Variants in HCN1 observed in about 807,000 individuals in gnomAD.
HCN1 encodes potassium/sodium hyperpolarization-activated cyclic nucleotide-gated channel 1.
A neutral mutation model predicts 78.9 loss-of-function variants in HCN1; 13 were observed. That is an observed-to-expected ratio of 0.16 (90% confidence interval 0.11 to 0.26). HCN1 has a LOEUF of 0.26. Among genes scored for constraint, HCN1 ranks in the 10% least tolerant of loss-of-function variants. The pLI is 1.00. For synonymous variants in HCN1, 552 were observed against 455.5 expected, an observed-to-expected ratio of 1.21 and a Z score of -2.70; for missense variants, 810 against 1,154.3, an observed-to-expected ratio of 0.70 and a Z score of 4.32.
intron 1 of HCN1, among the ~76,000 whole-genome samples, chr5:45,658,933 G>C (rs1191461505): frequency 3.5e-5 from 5 of 143,850 alleles, no homozygotes; most frequent in African/African-American, 5.1e-5. Context: ...CGGGAAGCTC[G>C]AACTGGGTGG....
At chr5:45,514,431 C>A (rs560258058) in intron 2 of HCN1, among the ~76,000 whole-genome samples, 1 of 152,248 alleles carries the variant, frequency 6.6e-6, no homozygotes, top group South Asian at 2.1e-4. Context: ...TATTAAAATA[C>A]TGACTGGATC....
chr5:45,594,762 A>G (rs1430077882), intron 2 of HCN1, among the ~76,000 whole-genome samples: 2 of 152,224 alleles, frequency 1.3e-5, no homozygotes, highest in Admixed American at 1.3e-4. Context: ...CACATCTGAC[A>G]TTAACCAAAT....
At chr5:45,647,754 C>T (rs1745579761) in intron 1 of HCN1, among the ~76,000 whole-genome samples, 1 of 152,078 alleles carries the variant, frequency 6.6e-6, no homozygotes, top group Non-Finnish European at 1.5e-5. Flanking sequence ...TATCCCCTAT[C>T]TCAGGGAATG....
chr5:45,387,976 T>C (rs1454324952), intron 4 of HCN1, among the ~76,000 whole-genome samples: 2 of 152,188 alleles, frequency 1.3e-5, no homozygotes, highest in Non-Finnish European at 2.9e-5. Context: ...TTGATATTTT[T>C]GGACCATGAT....
chr5:45,691,326 G>A (rs751411491), intron 1 of HCN1, among the ~76,000 whole-genome samples: 10 of 151,878 alleles, frequency 6.6e-5, no homozygotes, highest in Non-Finnish European at 1.5e-4. Flanking sequence ...AGGGAAAGTT[G>A]CTCAGAAAAA....
At position 45,447,675 on chromosome 5, in the gene HCN1, C is replaced by T. The variant is rs1032405515; in HGVS notation, c.1011+14171G>A. 4.0e-4 allele frequency among the ~76,000 whole-genome samples: 61 copies of T among 152,246 alleles called. 2 individuals are homozygous for T. Among genetic ancestry groups the T allele is most frequent in the East Asian group, 5.8e-4 (3 of 5,180 alleles). On this transcript the variant is annotated intron_variant, in intron 3 of 7. Transcript: ENST00000303230. The stretch of plus-strand genomic sequence containing the variant: ...TTAGGATCTGGGGAGAGAAAACATT[C>T]GCTCAACCTGTTATTAACTTAACTC...
At chr5:45,302,538 G>T (rs993099477) in intron 6 of HCN1, among the ~76,000 whole-genome samples, 2 of 151,934 alleles carry the variant, frequency 1.3e-5, no homozygotes, top group Admixed American at 6.6e-5. Flanking sequence ...GGTGTTATTT[G>T]CCTAAGTCTA....
chr5:45,648,250 T>C (rs543961187), intron 1 of HCN1, among the ~76,000 whole-genome samples: 2 of 152,258 alleles, frequency 1.3e-5, no homozygotes, highest in South Asian at 2.1e-4. Context: ...GTAATTAAGA[T>C]AGAAGCTTTT....
intron 2 of HCN1, among the ~76,000 whole-genome samples, chr5:45,523,648 T>C (rs1742664889): frequency 6.6e-6 from 1 of 152,288 alleles, no homozygotes; most frequent in Non-Finnish European, 1.5e-5. Flanking sequence ...TTTGGCTGCA[T>C]AAATGTCTTC....
chr5:45,312,092 T>A (rs1409317420), intron 5 of HCN1, among the ~76,000 whole-genome samples: 3 of 152,226 alleles, frequency 2.0e-5, no homozygotes, highest in Admixed American at 6.5e-5. Flanking sequence ...TGTCAGATGT[T>A]TCTGGGATCC....
intron 1 of HCN1, among the ~76,000 whole-genome samples, chr5:45,695,351 C>A (rs932623933): frequency 6.6e-6 from 1 of 152,144 alleles, no homozygotes; most frequent in Non-Finnish European, 1.5e-5. Context: ...GTAAAAGTTT[C>A]CCTTGTACAA....
chr5:45,529,710 T>C (rs1335421072), intron 2 of HCN1, among the ~76,000 whole-genome samples: 4 of 152,124 alleles, frequency 2.6e-5, no homozygotes, highest in African/African-American at 9.6e-5. Context: ...TCTCAAAAGT[T>C]AAGGTCTTAA....
chr5:45,693,915 T>G (rs78694933), intron 1 of HCN1, among the ~76,000 whole-genome samples: 22 of 152,322 alleles, frequency 1.4e-4, no homozygotes, highest in African/African-American at 5.3e-4. Context: ...AAATACCACA[T>G]TTATTTTTGC....
intron 2 of HCN1, among the ~76,000 whole-genome samples, chr5:45,555,825 A>T (rs1409227231): frequency 6.6e-6 from 1 of 151,970 alleles, no homozygotes; most frequent in African/African-American, 2.4e-5. Context: ...AGCTATGGTA[A>T]GCAAAAAAAG....
chr5:45,490,331 A>C (rs902737866), intron 2 of HCN1, among the ~76,000 whole-genome samples: 5 of 152,116 alleles, frequency 3.3e-5, no homozygotes, highest in Non-Finnish European at 7.4e-5. Flanking sequence ...TTCGCTATAA[A>C]TTTGTGTTTT....
intron 3 of HCN1, among the ~76,000 whole-genome samples, chr5:45,445,558 GATCTGAGAATGGGCAGACTGCCTCCTCA>G: frequency 6.6e-6 from 1 of 152,216 alleles, no homozygotes; most frequent in Non-Finnish European, 1.5e-5. Context: ...TGCAGCTGGA[GATCTGAGAATGGGCAGACTGCCTCCTCA>G]AGTGGGTCCC....
chr5:45,509,799 T>C (rs749633100), intron 2 of HCN1, among the ~76,000 whole-genome samples: 17 of 152,116 alleles, frequency 1.1e-4, no homozygotes, highest in Non-Finnish European at 2.2e-4. Flanking sequence ...TGAAATACAT[T>C]TTGTTGTGGA....
Position 45,565,108 on chromosome 5 carries a change from G to T in HCN1, c.849+80077C>A, listed in dbSNP as rs140789644. On this transcript the variant is annotated intron_variant, in intron 2 of 7. Transcript: ENST00000303230. ...AATTGAACTGTCAGATTTAAGGGCT[G>T]GTCCAATGGAAATGACCAATAAACT... Among the ~76,000 whole-genome samples the T allele has an allele frequency of 2.7e-3, 410 of 152,174 alleles. 4 individuals carry two copies. Among genetic ancestry groups the T allele is most frequent in the African/African-American group, 9.2e-3 (383 of 41,530 alleles).
At chr5:45,394,820 A>T (rs191213227) in intron 4 of HCN1, among the ~76,000 whole-genome samples, 95 of 152,284 alleles carry the variant, frequency 6.2e-4, no homozygotes, top group African/African-American at 2.1e-3. Context: ...TCAAAAAAAA[A>T]AAGTTATATT....
Sources: allele counts gnomAD v4.1 joint callset (sites outside exome capture counted in the v4.1 genomes callset), GRCh38; gene constraint gnomAD v4.1.1; transcripts MANE v1.5; gene names NCBI Gene and HGNC (gene_info 2026-07-23, HGNC 2026-07-21).